The following YY1AP1 variants were observed in gnomAD, a reference collection of about 807,000 sequenced individuals.
YY1AP1 encodes the protein YY1-associated protein 1.
A neutral mutation model predicts 39.9 loss-of-function variants in YY1AP1; 43 were observed. The ratio of observed to expected loss-of-function variants is 1.08; its 90% CI spans 0.84 to 1.39. The LOEUF is 1.39. Among genes scored for constraint, YY1AP1 ranks in the 40% most tolerant of loss-of-function variants. The probability of loss-of-function intolerance (pLI) is 0.00; values close to 1 mark genes in which losing one functional copy is unlikely to be tolerated. For synonymous variants in YY1AP1, 292 were observed against 331.3 expected, an observed-to-expected ratio of 0.88 and a Z score of 1.29; for missense variants, 813 against 900.7, an observed-to-expected ratio of 0.90 and a Z score of 1.25.
At chr1:155,684,903 A>G (rs1310528644) in intron 2 of YY1AP1, among the ~76,000 whole-genome samples, 2 of 152,156 alleles carry the variant, frequency 1.3e-5, no homozygotes, top group Non-Finnish European at 2.9e-5. Flanking sequence ...TGTTCTTTTA[A>G]AAGTACAGTA....
Position 155,660,734 on chromosome 1 carries a change from C to T in YY1AP1, c.1176G>A (p.Leu392=), listed in dbSNP as rs1231965896. Reference sequence around the variant, plus strand: ...TGGGGAAACGGTCGGCAACTGGCTTCAGTTTCAGGACTACACCCTTAGGCA... The same window carrying T: ...TGGGGAAACGGTCGGCAACTGGCTTTAGTTTCAGGACTACACCCTTAGGCA... ...LLLPKGVVLK[L]KPVADRFPKK... The change falls in exon 11 of 11, where the codon CTG becomes CTA. Residue 392 remains leucine (L), a synonymous_variant. Coordinates refer to ENST00000355499, the MANE Select transcript of YY1AP1 (RefSeq NM_139119.3). The T allele has an allele frequency of 2.5e-6, 4 of 1,614,224 alleles. No individual in the cohort carries two copies. Among genetic ancestry groups the T allele is most frequent in the Non-Finnish European group, 8.5e-7 (1 of 1,180,036 alleles).
chr1:155,666,275 C>G (rs1303442832), intron 9 of YY1AP1, among the ~76,000 whole-genome samples: 1 of 152,078 alleles, frequency 6.6e-6, no homozygotes, highest in Non-Finnish European at 1.5e-5. Context: ...GCGCCCGCCA[C>G]CACGCCCAGC....
chr1:155,668,769 GC>G lies in YY1AP1; in HGVS notation c.736del (p.Ala246LeufsTer2). The G allele has an allele frequency of 2.5e-6, 4 of 1,614,148 alleles. No individual in the cohort carries two copies. Among genetic ancestry groups the G allele is most frequent in the Non-Finnish European group, 3.4e-6 (4 of 1,180,006 alleles). ...CCCTTCAAAATGCTTCAGTCCTAAA[GC>G]TAACAAACTGAGAAAGGAGCAATAA... The part of the protein sequence containing the change: ...LFTKAEDNLL[A>X]LGLKHFEGTE... On this transcript the variant is annotated frameshift_variant, in exon 9 of 11. Transcript: ENST00000355499. LOFTEE classifies it high-confidence loss of function.
chr1:155,669,506 G>A (rs1649536551), intron 8 of YY1AP1, among the ~76,000 whole-genome samples: 1 of 152,194 alleles, frequency 6.6e-6, no homozygotes, highest in South Asian at 2.1e-4. Context: ...ATCAATAAAT[G>A]TCAGATCATG....
chr1:155,670,485 G>A, intron 7 of YY1AP1, 21 bp from the exon 8 acceptor site: 1 of 1,613,114 alleles, frequency 6.2e-7, no homozygotes, highest in Non-Finnish European at 8.5e-7. Context: ...ATAAATCTCT[G>A]ATAAATCAAC....
At chr1:155,670,528 T>C in intron 7 of YY1AP1, 64 bp from the exon 8 acceptor site, 1 of 1,590,554 alleles carries the variant, frequency 6.3e-7, no homozygotes, top group Non-Finnish European at 8.6e-7. Context: ...AAAAAGCCTG[T>C]GAATGCATTT....
chr1:155,661,136 A>G, intron 10 of YY1AP1, 171 bp downstream of exon 10: 2 of 1,538,614 alleles, frequency 1.3e-6, no homozygotes, highest in South Asian at 2.4e-5. Flanking sequence ...AAAATGTTGT[A>G]GAATCACCCG....
intron 3 of YY1AP1, 35 bp downstream of exon 3, chr1:155,680,381 C>CA (rs1651342048): frequency 6.2e-7 from 1 of 1,611,494 alleles, no homozygotes; most frequent in African/African-American, 1.3e-5. Flanking sequence ...AACCAACTTA[C>CA]AATCCCATGT....
chr1:155,680,333 G>T (rs1410275384), intron 3 of YY1AP1, 83 bp downstream of exon 3: 2 of 1,488,552 alleles, frequency 1.3e-6, no homozygotes, highest in Non-Finnish European at 1.9e-6. Flanking sequence ...TCTTCTAGAA[G>T]GAGCATCACA....
intron 9 of YY1AP1, among the ~76,000 whole-genome samples, chr1:155,662,927 T>C (rs1164803433): frequency 1.3e-5 from 2 of 151,502 alleles, no homozygotes; most frequent in Admixed American, 6.6e-5. Context: ...TCACTTGAAC[T>C]GAGGAATTAA....
chr1:155,665,278 A>T lies in YY1AP1; in HGVS notation c.879+3349T>A, dbSNP rs571205223. ...TCAATTTTTTAAAATTCAGAAAAAA[A>T]TTTTTTTTAAAAAAAAGCTACTAGA... On this transcript the variant is annotated intron_variant, in intron 9 of 10. Transcript: ENST00000355499. 7.4e-4 allele frequency among the ~76,000 whole-genome samples: 112 copies of T among 151,548 alleles called. 2 individuals are homozygous for T. The South Asian group carries it at 9.8e-3, about 13-fold the overall frequency.
chr1:155,661,173 A>C lies in YY1AP1; in HGVS notation c.996+134T>G, dbSNP rs959318053. 2.1e-5 allele frequency: 33 copies of C among 1,598,178 alleles called. No homozygotes were observed. In the African/African-American group the frequency reaches 3.9e-4, roughly 19 times the overall value. ...AGAAGGGCAGAAAAGTAAGGGAAGA[A>C]AGGTGAATCAGGAAGATTCCTGAAG... On this transcript the variant is annotated intron_variant, in intron 10 of 10. Transcript: ENST00000355499.
At position 155,660,454 on chromosome 1, in the gene YY1AP1, T is replaced by C. The variant is rs185936522; in HGVS notation, c.1456A>G (p.Met486Val). ...AAGCTTGTCCTGGCCTCAGGGGGCATAGCAGGCAGTGCTGCAGGAGACTCA... is the reference window on the plus strand; with the variant it reads ...AAGCTTGTCCTGGCCTCAGGGGGCACAGCAGGCAGTGCTGCAGGAGACTCA... ...SFESPAALPA[M>V]PPEARTSFPL... is the part of the protein sequence containing the mutation. Residue 486 changes from methionine to valine, a missense_variant, in exon 11 of 11, where the codon ATG becomes GTG. This residue lies in a region of YY1AP1 where 586 missense variants were observed against 647.4 expected (regional missense o/e 0.91). Transcript: ENST00000355499. 4.4e-3 allele frequency: 7,026 copies of C among 1,612,588 alleles called. 50 individuals carry two copies. Among genetic ancestry groups the C allele is most frequent in the South Asian group, 0.016 (1,416 of 90,862 alleles).
At chr1:155,674,160 CAA>C (rs59337809) in intron 6 of YY1AP1, among the ~76,000 whole-genome samples, 3,645 of 71,792 alleles carry the variant, frequency 0.051, 3 homozygotes, top group African/African-American at 0.11. Flanking sequence ...GACTCCGTCT[CAA>C]AAAAAAAAAA....
intron 9 of YY1AP1, among the ~76,000 whole-genome samples, chr1:155,661,894 G>A (rs995818235): frequency 6.6e-6 from 1 of 152,098 alleles, no homozygotes; most frequent in Non-Finnish European, 1.5e-5. Context: ...CTGACCTCGT[G>A]ATCCACCCGC....
chr1:155,670,215 C>T lies in YY1AP1; in HGVS notation c.728+105G>A, dbSNP rs1571332888. 10 of 1,504,334 alleles carry T rather than the reference C, an allele frequency of 6.6e-6. No individual in the cohort carries two copies. In the South Asian group the frequency reaches 9.2e-5, roughly 14 times the overall value. 93.2% of individuals were successfully genotyped at this position (1,504,334 alleles called of 1,614,324 possible). ...GACTCTGCTCATCTATACTGCTTTT[C>T]CTTTTGTGTCCATGTCTTATTATAC... is the stretch of plus-strand genomic sequence containing the variant. On this transcript the variant is annotated intron_variant, in intron 8 of 10. Coordinates refer to ENST00000355499, the MANE Select transcript of YY1AP1 (RefSeq NM_139119.3).
intron 7 of YY1AP1, chr1:155,672,231 A>C: frequency 2.6e-6 from 1 of 377,378 alleles, no homozygotes; most frequent in Non-Finnish European, 5.0e-6. Context: ...TTTCATCTTT[A>C]CCAGGCCCCA....
rs1571303777 is a variant in YY1AP1, at chr1:155,659,689, C to T, written c.2221G>A (p.Asp741Asn). ...AATCCACTGATTTCCTCTGTAGCATCTTCAGGTTCCATCTTGACAACTTCC... is the reference window on the plus strand; with the variant it reads ...AATCCACTGATTTCCTCTGTAGCATTTTCAGGTTCCATCTTGACAACTTCC... ...LEEVVKMEPE[D>N]ATEEISGFL The change falls in exon 11 of 11, where the codon GAT becomes AAT. Residue 741 changes from aspartate to asparagine, a missense_variant. By Grantham distance (23) the Asp-to-Asn change is conservative. This residue lies in a region of YY1AP1 where 586 missense variants were observed against 647.4 expected (regional missense o/e 0.91). Transcript: ENST00000355499. 2 of 1,614,234 alleles carry T rather than the reference C, an allele frequency of 1.2e-6. No homozygotes were observed. Among genetic ancestry groups the T allele is most frequent in the Non-Finnish European group, 1.7e-6 (2 of 1,180,046 alleles).
Position 155,659,741 on chromosome 1 carries a change from T to C in YY1AP1, c.2169A>G (p.Leu723=). Residue 723 remains leucine, a synonymous_variant, in exon 11 of 11, where the codon CTA becomes CTG. Coordinates refer to ENST00000355499, the MANE Select transcript of YY1AP1 (RefSeq NM_139119.3). ...EPLPQGIQES[L]NNSSPGDLEE... ...CTAAATCCCCAGGGGAAGAGTTGTT[T>C]AGAGACTCCTGGATGCCCTGAGGGA... The C allele has an allele frequency of 6.2e-7, 1 of 1,614,206 alleles. No homozygotes were observed. The highest frequency in any genetic ancestry group is 1.1e-5 in the South Asian group (1 of 91,074).
Sources: gnomAD v4.1 joint callset for allele counts (sites outside exome capture counted in the v4.1 genomes callset) on GRCh38, gnomAD v4.1.1 for gene constraint, gnomAD v4.1.1 regional missense constraint, MANE v1.5 for transcripts, NCBI Gene and HGNC (gene_info 2026-07-23, HGNC 2026-07-21) for gene names.